The following SLC43A1 variants were observed in gnomAD, a reference collection of about 807,000 sequenced individuals.
The protein encoded by SLC43A1 is large neutral amino acids transporter small subunit 3.
SLC43A1 carries 31 observed loss-of-function variants against 59.5 expected under a neutral mutation model. That is an observed-to-expected ratio of 0.52 (90% CI 0.39 to 0.70). The LOEUF is 0.70. Among genes scored for constraint, SLC43A1 ranks in the 30% least tolerant of loss-of-function variants. The probability of loss-of-function intolerance (pLI) is 0.00; values close to 1 mark genes in which losing one functional copy is unlikely to be tolerated. For missense variants in SLC43A1, 598 were observed against 717.8 expected (o/e 0.83, Z 1.91); for synonymous variants, 259 against 290.9 (o/e 0.89, Z 1.12).
intron 8 of SLC43A1, among the ~76,000 whole-genome samples, chr11:57,492,838 G>A (rs549795641): frequency 2.0e-5 from 3 of 150,118 alleles, no homozygotes; most frequent in East Asian, 3.9e-4. Flanking sequence ...TCAGGAGTTC[G>A]AGACCAGCCT....
intron 11 of SLC43A1, among the ~76,000 whole-genome samples, chr11:57,490,688 G>A (rs1009137199): frequency 4.6e-5 from 7 of 152,288 alleles, no homozygotes; most frequent in South Asian, 2.1e-4. Context: ...AGAATCAGCC[G>A]GCTGAGTCTC....
chr11:57,509,698 G>A (rs1203096614), intron 2 of SLC43A1, among the ~76,000 whole-genome samples: 2 of 118,568 alleles, frequency 1.7e-5, no homozygotes, highest in Admixed American at 8.3e-5. Context: ...GAGAGGGAGG[G>A]AGGGAGAGAG....
intron 13 of SLC43A1, 58 bp downstream of exon 13, chr11:57,488,858 G>C (rs915818719): frequency 1.3e-4 from 182 of 1,453,614 alleles, no homozygotes; most frequent in East Asian, 1.0e-3. Flanking sequence ...ACCCTTCCCT[G>C]GGGTTCTCTG....
intron 8 of SLC43A1, among the ~76,000 whole-genome samples, chr11:57,492,398 G>A (rs1590751720): frequency 8.0e-6 from 1 of 124,528 alleles, no homozygotes; most frequent in Non-Finnish European, 1.6e-5. Context: ...GACCAGCCTG[G>A]TGGTCAACAT....
In SLC43A1 at chr11:57,497,791, A is replaced by T; in HGVS notation, c.520T>A (p.Ser174Thr). ...AACGTAATGGCAGAAGAGGCGTAAG[A>T]GCCAATCATGAGGGCCATTAACGTG... ...RSTLMALMIG[S>T]YASSAITFPG... Residue 174 changes from serine to threonine, a missense_variant, in exon 6 of 15, where the codon TCT (serine) becomes ACT (threonine). Transcript: ENST00000278426. 6.2e-7 allele frequency: 1 copy of T among 1,613,872 alleles called. No individual in the cohort carries two copies. Among genetic ancestry groups the T allele is most frequent in the Non-Finnish European group, 8.5e-7 (1 of 1,179,916 alleles).
chr11:57,491,517 G>C (rs1943900926), intron 10 of SLC43A1, 74 bp downstream of exon 10: 7 of 1,600,886 alleles, frequency 4.4e-6, no homozygotes, highest in Non-Finnish European at 6.0e-6. Context: ...CCCAGGCCTA[G>C]AGGAGTCCCG....
chr11:57,503,760 C>A (rs918639576), intron 2 of SLC43A1, among the ~76,000 whole-genome samples: 2 of 152,190 alleles, frequency 1.3e-5, no homozygotes, highest in Non-Finnish European at 2.9e-5. Context: ...GGCTGCACAC[C>A]GGTGACCAGC....
At chr11:57,511,285 G>A (rs1019289370) in intron 2 of SLC43A1, among the ~76,000 whole-genome samples, 3 of 151,858 alleles carry the variant, frequency 2.0e-5, no homozygotes, top group African/African-American at 2.4e-5. Flanking sequence ...TTAATTAGCT[G>A]GATGTGTTGA....
intron 5 of SLC43A1, among the ~76,000 whole-genome samples, chr11:57,499,132 G>A (rs1480973740): frequency 6.6e-6 from 1 of 152,136 alleles, no homozygotes; most frequent in Non-Finnish European, 1.5e-5. Flanking sequence ...CGACCAGCCT[G>A]AGCAACACGG....
chr11:57,509,184 G>T (rs914023011), intron 2 of SLC43A1, among the ~76,000 whole-genome samples: 1 of 151,880 alleles, frequency 6.6e-6, no homozygotes, highest in South Asian at 2.1e-4. Context: ...AGATTTAGAA[G>T]CATACCCACT....
At chr11:57,496,533 A>ACCATTT (rs1464688961) in intron 6 of SLC43A1, among the ~76,000 whole-genome samples, 7 of 152,214 alleles carry the variant, frequency 4.6e-5, no homozygotes, top group Non-Finnish European at 1.0e-4. Flanking sequence ...CATAGTACGT[A>ACCATTT]CAAAGGAAAC....
At position 57,515,231 on chromosome 11, in the gene SLC43A1, C is replaced by G. The variant is rs1944658614; in HGVS notation, c.-14+213G>C. The G allele has an allele frequency of 5.4e-6, 1 of 186,518 alleles. No individual in the cohort carries two copies. The highest frequency in any genetic ancestry group is 1.0e-5 in the Non-Finnish European group (1 of 99,662). The allele number at this position is 186,518 out of a possible 1,614,324, so 11.6% of individuals were successfully genotyped here. On this transcript the variant is annotated intron_variant, in intron 1 of 14. Transcript: ENST00000278426. The surrounding 1 kb of genome is among the most constrained non-coding windows in gnomAD (Gnocchi z 5.3). ...GCAGAGGAAGTGCAGCGAGCGGGGA[C>G]CCGGGAGGAAGAGAAGAGTCGGAGG... is the stretch of plus-strand genomic sequence containing the variant.
At chr11:57,493,155 A>G (rs1487554509) in intron 8 of SLC43A1, among the ~76,000 whole-genome samples, 1 of 152,138 alleles carries the variant, frequency 6.6e-6, no homozygotes, top group Non-Finnish European at 1.5e-5. Flanking sequence ...TCCTTATCAC[A>G]TTTTACTGAT....
chr11:57,499,215 T>C (rs1944179624), intron 5 of SLC43A1, among the ~76,000 whole-genome samples: 1 of 151,498 alleles, frequency 6.6e-6, no homozygotes, highest in Non-Finnish European at 1.5e-5. Context: ...TCCCAGCTAC[T>C]CGGGAGGCTG....
At chr11:57,495,892 C>G in intron 7 of SLC43A1, 139 bp downstream of exon 7, 1 of 938,672 alleles carries the variant, frequency 1.1e-6, no homozygotes. Flanking sequence ...GATGAGAAAG[C>G]AGAGCTTGGA....
chr11:57,512,792 G>A (rs1418495889), intron 2 of SLC43A1, among the ~76,000 whole-genome samples: 1 of 151,846 alleles, frequency 6.6e-6, no homozygotes, highest in Non-Finnish European at 1.5e-5. Context: ...CCATAATTGG[G>A]GCCAGGAGGC....
Position 57,515,088 on chromosome 11 carries a change from G to A in SLC43A1, c.-14+356C>T, listed in dbSNP as rs898873842. 5.1e-6 allele frequency: 5 copies of A among 985,068 alleles called. No homozygotes were observed. Among genetic ancestry groups the A allele is most frequent in the Non-Finnish European group, 6.0e-6 (5 of 829,754 alleles). 61.0% of individuals were successfully genotyped at this position (985,068 alleles called of 1,614,324 possible). On this transcript the variant is annotated intron_variant, in intron 1 of 14. Transcript: ENST00000278426. The surrounding 1 kb of genome is among the most constrained non-coding windows in gnomAD (Gnocchi z 5.3). ...AAGGGCAAGAAAGACCCAGAGAGAGGGGAGGAAGTACCAGTCACTTCTTCC... is the reference window on the plus strand; with the variant it reads ...AAGGGCAAGAAAGACCCAGAGAGAGAGGAGGAAGTACCAGTCACTTCTTCC...
At chr11:57,489,677 C>T (rs1943845581) in intron 11 of SLC43A1, among the ~76,000 whole-genome samples, 1 of 152,216 alleles carries the variant, frequency 6.6e-6, no homozygotes, top group African/African-American at 2.4e-5. Flanking sequence ...GGGATATCTG[C>T]AAATCTGCAT....
intron 7 of SLC43A1, among the ~76,000 whole-genome samples, chr11:57,495,760 G>A (rs1944062700): frequency 6.6e-6 from 1 of 152,070 alleles, no homozygotes; most frequent in African/African-American, 2.4e-5. Context: ...GCAGTTTTAG[G>A]TTGCAGTGAG....
Sources: allele counts gnomAD v4.1 joint callset (sites outside exome capture counted in the v4.1 genomes callset), GRCh38; gene constraint gnomAD v4.1.1; non-coding constraint Gnocchi (gnomAD v3.1); transcripts MANE v1.5; gene names NCBI Gene and HGNC (gene_info 2026-07-23, HGNC 2026-07-21).